The following RGL1 variants were observed in gnomAD, a reference collection of about 807,000 sequenced individuals.
The protein encoded by RGL1 is ral guanine nucleotide dissociation stimulator like 1.
RGL1 carries 24 observed loss-of-function variants against 95.2 expected under a neutral mutation model. The observed-to-expected ratio is 0.25, with a 90% confidence interval of 0.18 to 0.35. The LOEUF (loss-of-function observed/expected upper bound fraction) is 0.35, where lower values mean the gene tolerates loss of function less well. RGL1 is among the 10% of genes least tolerant of loss of function. The pLI, the probability that RGL1 is intolerant of heterozygous loss-of-function variation, is 1.00. For synonymous variants in RGL1, 329 were observed against 344.9 expected (o/e 0.95, Z 0.51); for missense variants, 715 against 936.3 (o/e 0.76, Z 3.08).
chr1:183,898,365 T>C (rs1412476935), intron 10 of RGL1, among the ~76,000 whole-genome samples: 1 of 151,920 alleles, frequency 6.6e-6, no homozygotes, highest in East Asian at 1.9e-4. Context: ...AATCTAGCCA[T>C]TGCCCAGCTC....
chr1:183,794,270 AC>A (rs1439192546), intron 2 of RGL1, among the ~76,000 whole-genome samples: 1 of 152,228 alleles, frequency 6.6e-6, no homozygotes, highest in African/African-American at 2.4e-5. Flanking sequence ...AATGATGTTT[AC>A]CAGAGAGGCT....
rs528024338 is a variant in RGL1, at chr1:183,760,590, A to C, written c.132+18301A>C. Reference sequence around the variant, plus strand: ...CTGCAAAAAAAAAAAAAAAAAAAAAAAAACAAACCTGGGTGTGGTGGTGTG... The same window carrying C: ...CTGCAAAAAAAAAAAAAAAAAAAAACAAACAAACCTGGGTGTGGTGGTGTG... On this transcript the variant is annotated intron_variant, in intron 2 of 18. Coordinates refer to the RGL1 transcript ENST00000304685. 6.8e-3 allele frequency among the ~76,000 whole-genome samples: 904 copies of C among 133,286 alleles called. 2 individuals carry two copies. Among genetic ancestry groups the C allele is most frequent in the Non-Finnish European group, 0.011 (677 of 64,110 alleles). The allele number at this position is 133,286 out of a possible 152,430, so 87.4% of individuals were successfully genotyped here. A position where few individuals can be genotyped will look rare whatever the true frequency, so the allele number is the denominator to read the frequency against.
At chr1:183,803,596 T>C (rs955906793), upstream of RGL1, among the ~76,000 whole-genome samples, 30 of 152,340 alleles carry the variant, frequency 2.0e-4, no homozygotes, top group African/African-American at 6.7e-4. Context: ...GAAGGTTTCC[T>C]GGGAGAGTGA....
intron 16 of RGL1, among the ~76,000 whole-genome samples, chr1:183,918,609 G>A (rs1417569730): frequency 1.3e-5 from 2 of 152,212 alleles, no homozygotes; most frequent in Admixed American, 1.3e-4. Context: ...CTGCCCAGGA[G>A]GAGTCACAGG....
At chr1:183,897,096 T>C (rs577110999) in intron 9 of RGL1, among the ~76,000 whole-genome samples, 1 of 152,370 alleles carries the variant, frequency 6.6e-6, no homozygotes, top group East Asian at 1.9e-4. Context: ...CAAAATGTAC[T>C]GAGGAAGTCG....
Position 183,897,872 on chromosome 1 carries a change from G to A in RGL1, c.1205G>A (p.Arg402Lys). The change falls in exon 10 of 18, where the codon AGG (arginine) becomes AAG (lysine). Residue 402 changes from arginine (R) to lysine (K), a missense_variant. Around this residue, in one of 3 missense-constraint regions of RGL1, gnomAD observed 381 missense variants for 484.8 expected, o/e 0.79. Transcript: ENST00000360851. The part of the protein sequence containing the change: ...SVKENQKRTQ[R>K]RLQLQKDMGV... ...AAAGAAAACCAGAAGCGTACCCAGAGGCGGCTGCAGCTCCAGAAGGACATG... is the reference window on the plus strand; with the variant it reads ...AAAGAAAACCAGAAGCGTACCCAGAAGCGGCTGCAGCTCCAGAAGGACATG... 6.2e-7 allele frequency: 1 copy of A among 1,614,014 alleles called. No homozygotes were observed. The highest frequency in any genetic ancestry group is 8.5e-7 in the Non-Finnish European group (1 of 1,179,896).
intron 2 of RGL1, among the ~76,000 whole-genome samples, chr1:183,787,844 G>C (rs1660253871): frequency 6.6e-6 from 1 of 151,830 alleles, no homozygotes; most frequent in Non-Finnish European, 1.5e-5. Flanking sequence ...AAAGAGCCTG[G>C]CACCTCCCCG....
intron 2 of RGL1, among the ~76,000 whole-genome samples, chr1:183,780,371 G>A (rs2148623): frequency 0.16 from 24,111 of 152,188 alleles, 2,410 homozygotes; most frequent in African/African-American, 0.28. Flanking sequence ...GGGTAAACAA[G>A]CTCATGACCT....
At chr1:183,651,292 G>A (rs1650732919) in intron 1 of RGL1, among the ~76,000 whole-genome samples, 1 of 152,004 alleles carries the variant, frequency 6.6e-6, no homozygotes, top group Non-Finnish European at 1.5e-5. Context: ...ATTTAAATGA[G>A]GTAAACTGAC....
intron 15 of RGL1, among the ~76,000 whole-genome samples, chr1:183,912,835 G>A (rs1668726481): frequency 1.3e-5 from 2 of 152,202 alleles, no homozygotes; most frequent in African/African-American, 4.8e-5. Flanking sequence ...GGACAAGCAA[G>A]AGGGCAAGCC....
chr1:183,668,701 T>C (rs775977886), intron 1 of RGL1, among the ~76,000 whole-genome samples: 1 of 152,126 alleles, frequency 6.6e-6, no homozygotes, highest in Non-Finnish European at 1.5e-5. Context: ...GCATTTATCT[T>C]GCTTGGTGTT....
chr1:183,705,603 C>T (rs1421451472), intron 1 of RGL1, among the ~76,000 whole-genome samples: 2 of 152,100 alleles, frequency 1.3e-5, no homozygotes, highest in African/African-American at 4.8e-5. Context: ...CATGTAAAGA[C>T]AAAGAGGTTT....
At chr1:183,900,725 T>C (rs1015326527) in intron 11 of RGL1, among the ~76,000 whole-genome samples, 11 of 151,800 alleles carry the variant, frequency 7.2e-5, no homozygotes, top group African/African-American at 2.4e-4. Flanking sequence ...AGGCTAGCCT[T>C]GAACTCCTGA....
chr1:183,903,070 T>A (rs1280231611), intron 12 of RGL1, among the ~76,000 whole-genome samples: 1 of 152,196 alleles, frequency 6.6e-6, no homozygotes, highest in Non-Finnish European at 1.5e-5. Context: ...TTAGCCTGAT[T>A]TAGCCATTCC....
At chr1:183,849,488 T>A (rs867694689) in intron 3 of RGL1, among the ~76,000 whole-genome samples, 3,910 of 126,344 alleles carry the variant, frequency 0.031, 205 homozygotes, top group African/African-American at 0.12. Context: ...TTTTAGTTTT[T>A]TTTTTTTTTT....
At chr1:183,720,037 G>T (rs1343845028) in intron 1 of RGL1, among the ~76,000 whole-genome samples, 1 of 151,722 alleles carries the variant, frequency 6.6e-6, no homozygotes, top group Non-Finnish European at 1.5e-5. Flanking sequence ...ATTGAGGGAA[G>T]TATGATTAAA....
At chr1:183,643,187 G>A (rs746230414) in intron 1 of RGL1, among the ~76,000 whole-genome samples, 7 of 152,064 alleles carry the variant, frequency 4.6e-5, no homozygotes, top group Non-Finnish European at 1.0e-4. Flanking sequence ...CATTTGGTTT[G>A]GTTCTACCTT....
At chr1:183,645,670 G>T (rs1211717605) in intron 1 of RGL1, among the ~76,000 whole-genome samples, 2 of 152,196 alleles carry the variant, frequency 1.3e-5, no homozygotes, top group Admixed American at 1.3e-4. Context: ...TGCACTGCAG[G>T]ATCTCACTTT....
At chr1:183,894,666 A>G (rs1359620342) in intron 9 of RGL1, among the ~76,000 whole-genome samples, 1 of 152,122 alleles carries the variant, frequency 6.6e-6, no homozygotes, top group African/African-American at 2.4e-5. Context: ...ATACGGATTT[A>G]TGGTTGGGTA....
Sources: gnomAD v4.1 joint callset for allele counts (sites outside exome capture counted in the v4.1 genomes callset) on GRCh38, gnomAD v4.1.1 for gene constraint, gnomAD v4.1.1 regional missense constraint, MANE v1.5 for transcripts, NCBI Gene and HGNC (gene_info 2026-07-23, HGNC 2026-07-21) for gene names.